Variants in BABAM2 observed in about 807,000 individuals in gnomAD.
The protein encoded by BABAM2 is BRISC and BRCA1-A complex member 2.
Under a neutral mutation model 54.7 loss-of-function variants are expected in BABAM2, and 31 were observed. The observed-to-expected ratio is 0.57, with a 90% CI of 0.43 to 0.77. The LOEUF (loss-of-function observed/expected upper bound fraction) is 0.77, where lower values mean the gene tolerates loss of function less well. Among genes scored for constraint, BABAM2 ranks in the 30% least tolerant of loss-of-function variants. The pLI is 0.00. For missense variants in BABAM2, 364 were observed against 455.8 expected (o/e 0.80, Z 1.83); for synonymous variants, 167 against 162.9 (o/e 1.03, Z -0.19).
At chr2:28,143,191 AAGGC>A (rs1671211223) in intron 7 of BABAM2, among the ~76,000 whole-genome samples, 1 of 152,056 alleles carries the variant, frequency 6.6e-6, no homozygotes, top group Non-Finnish European at 1.5e-5. Context: ...AGCCTTCATA[AAGGC>A]AACGTGGATG....
At chr2:28,087,078 T>A (rs74738676) in intron 6 of BABAM2, among the ~76,000 whole-genome samples, 1,665 of 152,218 alleles carry the variant, frequency 0.011, 26 homozygotes, top group African/African-American at 0.039. Flanking sequence ...AGACCAGGAG[T>A]GAGCTGTCTT....
At chr2:28,249,469 G>A (rs1683236088) in intron 10 of BABAM2, among the ~76,000 whole-genome samples, 1 of 152,126 alleles carries the variant, frequency 6.6e-6, no homozygotes, top group African/African-American at 2.4e-5. Context: ...ACAGTATATG[G>A]TTTGCAAGAC....
chr2:28,226,817 TGAG>T (rs2148028747), intron 7 of BABAM2, among the ~76,000 whole-genome samples: 2 of 151,444 alleles, frequency 1.3e-5, no homozygotes, highest in South Asian at 4.2e-4. Context: ...TTAGCCCCAG[TGAG>T]AAGTTCAGTA....
At chr2:28,131,646 G>A (rs1670087320) in intron 7 of BABAM2, among the ~76,000 whole-genome samples, 1 of 152,130 alleles carries the variant, frequency 6.6e-6, no homozygotes, top group Admixed American at 6.5e-5. Flanking sequence ...CACAGTGCCT[G>A]GCACTACAGT....
At chr2:28,109,969 A>C (rs1026114313) in intron 6 of BABAM2, among the ~76,000 whole-genome samples, 1 of 152,164 alleles carries the variant, frequency 6.6e-6, no homozygotes, top group African/African-American at 2.4e-5. Context: ...CCATCATGAC[A>C]TCCGTTTCTG....
intron 3 of BABAM2, among the ~76,000 whole-genome samples, chr2:27,965,460 C>T (rs1670766463): frequency 6.6e-6 from 1 of 152,124 alleles, no homozygotes; most frequent in Non-Finnish European, 1.5e-5. Context: ...CCTCCATCAG[C>T]TTTTTCCCAA....
intron 7 of BABAM2, among the ~76,000 whole-genome samples, chr2:28,158,930 TGGCG>T (rs1225293474): frequency 6.6e-6 from 1 of 152,220 alleles, no homozygotes; most frequent in Non-Finnish European, 1.5e-5. Flanking sequence ...TTAAGCTGTC[TGGCG>T]GCCTTGATTC....
rs115522544 is a variant in BABAM2, at chr2:28,224,458, T to C, written c.681-12744T>C. Among the ~76,000 whole-genome samples the C allele has an allele frequency of 8.9e-4, 136 of 152,316 alleles. 1 individual carries two copies. The highest frequency in any genetic ancestry group is 3.2e-3 in the African/African-American group (132 of 41,576). Reference sequence around the variant, plus strand: ...CCTGACTTGCTGCCAGTAAAATGAATGTGTCTTTAAAATTTTTGCAAACAA... The same window carrying C: ...CCTGACTTGCTGCCAGTAAAATGAACGTGTCTTTAAAATTTTTGCAAACAA... On this transcript the variant is annotated intron_variant, in intron 7 of 11. Coordinates refer to ENST00000379624, the MANE Select transcript of BABAM2 (RefSeq NM_199191.3).
intron 2 of BABAM2, among the ~76,000 whole-genome samples, chr2:27,916,633 T>TA (rs1666992011): frequency 6.6e-6 from 1 of 152,194 alleles, no homozygotes; most frequent in Non-Finnish European, 1.5e-5. Flanking sequence ...TCTTTCTTCT[T>TA]AGAGTTTTCA....
chr2:28,206,300 C>T (rs531483405), intron 7 of BABAM2, among the ~76,000 whole-genome samples: 1 of 152,140 alleles, frequency 6.6e-6, no homozygotes, highest in South Asian at 2.1e-4. Flanking sequence ...CCTTGGGAAC[C>T]TGAATGCCAG....
chr2:28,239,355 G>A (rs1341601116), intron 8 of BABAM2, among the ~76,000 whole-genome samples: 1 of 152,144 alleles, frequency 6.6e-6, no homozygotes, highest in African/African-American at 2.4e-5. Flanking sequence ...ACTCAGTGTG[G>A]CTATAGCCAA....
intron 2 of BABAM2, among the ~76,000 whole-genome samples, chr2:27,895,814 A>G (rs142980765): frequency 4.6e-5 from 7 of 152,150 alleles, no homozygotes; most frequent in African/African-American, 1.7e-4. Context: ...TTTGAATTCT[A>G]CTGTAAAGAA....
intron 10 of BABAM2, among the ~76,000 whole-genome samples, chr2:28,278,393 C>T (rs62139151): frequency 0.24 from 36,621 of 151,972 alleles, 5,582 homozygotes; most frequent in Non-Finnish European, 0.35. Context: ...AGGAGAGATT[C>T]TAGAAATACT....
chr2:28,102,831 A>G lies in BABAM2; in HGVS notation c.571-26440A>G, dbSNP rs116019485. Among the ~76,000 whole-genome samples the G allele has an allele frequency of 2.9e-3, 445 of 152,286 alleles. 5 individuals carry two copies. Among genetic ancestry groups the G allele is most frequent in the African/African-American group, 0.01 (431 of 41,564 alleles). On this transcript the variant is annotated intron_variant, in intron 6 of 11. Coordinates refer to ENST00000379624, the MANE Select transcript of BABAM2 (RefSeq NM_199191.3). ...GAGAGAGACCATTGGAGGTAAACCA[A>G]AGCCACTGCCCTCTCTGACACAGTA...
intron 7 of BABAM2, among the ~76,000 whole-genome samples, chr2:28,232,372 T>G (rs1031967588): frequency 1.3e-5 from 2 of 152,186 alleles, no homozygotes; most frequent in African/African-American, 4.8e-5. Context: ...ACTCCCTGCA[T>G]TTTTCTAAGT....
chr2:28,276,911 A>G (rs1356434080), intron 10 of BABAM2, among the ~76,000 whole-genome samples: 1 of 152,146 alleles, frequency 6.6e-6, no homozygotes, highest in Non-Finnish European at 1.5e-5. Flanking sequence ...GATGATGAGC[A>G]TTATCTTTAC....
At chr2:28,087,007 G>A (rs1314424529) in intron 6 of BABAM2, among the ~76,000 whole-genome samples, 1 of 152,144 alleles carries the variant, frequency 6.6e-6, no homozygotes, top group Non-Finnish European at 1.5e-5. Flanking sequence ...TTTAATATCA[G>A]TTTAAGCAAA....
chr2:28,084,381 A>G (rs1341662647), intron 6 of BABAM2, among the ~76,000 whole-genome samples: 2 of 152,188 alleles, frequency 1.3e-5, no homozygotes, highest in African/African-American at 2.4e-5. Context: ...GCATTTTTCC[A>G]GAAGAAAATA....
At chr2:27,952,935 G>T (rs2148410827) in intron 3 of BABAM2, among the ~76,000 whole-genome samples, 1 of 152,288 alleles carries the variant, frequency 6.6e-6, no homozygotes, top group East Asian at 1.9e-4. Context: ...TCCAGAGTTA[G>T]GCAAGATAAT....
Sources: gnomAD v4.1 joint callset for allele counts (sites outside exome capture counted in the v4.1 genomes callset) on GRCh38, gnomAD v4.1.1 for gene constraint, MANE v1.5 for transcripts, NCBI Gene and HGNC (gene_info 2026-07-23, HGNC 2026-07-21) for gene names.